The following KCNAB2 variants were observed in gnomAD, a reference collection of about 807,000 sequenced individuals.
KCNAB2 encodes voltage-gated potassium channel subunit beta-2.
KCNAB2 carries 29 observed loss-of-function variants against 63.6 expected under a neutral mutation model. That is an observed-to-expected ratio of 0.46 (90% CI 0.34 to 0.62). The LOEUF is 0.62. Ranked by LOEUF, KCNAB2 falls within the 20% of genes least tolerant of loss-of-function variation. The pLI is 0.01. For missense variants in KCNAB2, 359 were observed against 563.9 expected (o/e 0.64, Z 3.68); for synonymous variants, 222 against 224.2 (o/e 0.99, Z 0.09).
intron 1 of KCNAB2, chr1:6,027,178 T>G (rs1440217383): frequency 6.6e-6 from 1 of 152,386 alleles, no homozygotes; most frequent in Admixed American, 6.6e-5. Context: ...GTGCAGGGTG[T>G]GGTCTTGGAG....
intron 2 of KCNAB2, among the ~76,000 whole-genome samples, chr1:6,065,034 C>T (rs1040663981): frequency 2.6e-5 from 4 of 152,336 alleles, no homozygotes; most frequent in Non-Finnish European, 4.4e-5. Context: ...GTGTCATAAC[C>T]ATCAAGACGC....
At position 6,086,131 on chromosome 1, in the gene KCNAB2, C is replaced by T. The variant is rs969073626; in HGVS notation, c.425+883C>T. The T allele has an allele frequency of 1.0e-6, 1 of 985,362 alleles. No individual in the cohort carries two copies. Among genetic ancestry groups the T allele is most frequent in the Non-Finnish European group, 1.2e-6 (1 of 829,918 alleles). The allele number at this position is 985,362 out of a possible 1,614,324, so 61.0% of individuals were successfully genotyped here. A position where few individuals can be genotyped will look rare whatever the true frequency, so the allele number is the denominator to read the frequency against. On this transcript the variant is annotated intron_variant, in intron 6 of 15. Transcript: ENST00000378083. The surrounding 1 kb of genome is among the most constrained non-coding windows in gnomAD (Gnocchi z 4.2). ...TGCTGACAAGCCCCGGGGCCCTGTT[C>T]CTTAATAAATGCGTCTTTATTTTCA...
At chr1:6,094,506 G>A (rs1344400436) in intron 11 of KCNAB2, 21 bp downstream of exon 11, 6 of 1,593,060 alleles carry the variant, frequency 3.8e-6, no homozygotes, top group Middle Eastern at 1.7e-4. Flanking sequence ...CGCGCAGCAT[G>A]TGTGTGTCCA....
chr1:6,090,322 G>A (rs1329752908), intron 8 of KCNAB2, 67 bp from the exon 9 acceptor site: 1 of 1,155,226 alleles, frequency 8.7e-7, no homozygotes, highest in African/African-American at 1.5e-5. Flanking sequence ...GCCGGGCATG[G>A]ATGGGCCCAG....
chr1:6,065,150 G>A (rs1662634126), intron 2 of KCNAB2, among the ~76,000 whole-genome samples: 2 of 152,226 alleles, frequency 1.3e-5, no homozygotes, highest in Non-Finnish European at 2.9e-5. Flanking sequence ...CGCTGGGCAT[G>A]CGCCAGGGAG....
Position 6,071,230 on chromosome 1 carries a change from A to T in KCNAB2, c.219-1525A>T, listed in dbSNP as rs1425920625. The stretch of plus-strand genomic sequence containing the variant: ...GGACAGGAAAGAGGATAAACTGAGG[A>T]CATCGCATCCTCCGAAGTTGGAAGT... On this transcript the variant is annotated intron_variant, in intron 2 of 15. Transcript: ENST00000378083. The surrounding 1 kb of genome is among the most constrained non-coding windows in gnomAD (Gnocchi z 8.5). 6.6e-6 allele frequency among the ~76,000 whole-genome samples: 1 copy of T among 152,220 alleles called. No individual in the cohort carries two copies.
Position 6,096,060 on chromosome 1 carries a change from A to T in KCNAB2, c.948+436A>T. 1 of 458,638 alleles carries T rather than the reference A, an allele frequency of 2.2e-6. No individual in the cohort carries two copies. The highest frequency in any genetic ancestry group is 4.4e-6 in the Non-Finnish European group (1 of 228,640). 28.4% of individuals were successfully genotyped at this position (458,638 alleles called of 1,614,324 possible). Reference sequence around the variant, plus strand: ...CCACACAACCTCTGAGTGGGGACTCAGGAGGGTCCCCAGACTGCAGGATCT... The same window carrying T: ...CCACACAACCTCTGAGTGGGGACTCTGGAGGGTCCCCAGACTGCAGGATCT... On this transcript the variant is annotated intron_variant, in intron 13 of 15. Transcript: ENST00000378083. The surrounding 1 kb of genome is among the most constrained non-coding windows in gnomAD (Gnocchi z 5.9).
rs181696449 is a variant in KCNAB2 at position 6,001,565 on chromosome 1, C to T, written c.-53+8777C>T. 3.2e-4 allele frequency among the ~76,000 whole-genome samples: 48 copies of T among 152,272 alleles called. No homozygotes were observed. The South Asian group carries it at 3.3e-3, about 11-fold the overall frequency. On this transcript the variant is annotated intron_variant, in intron 1 of 16. Transcript: ENST00000341524. ...GAGGGCCTGGCTGAGCCCCGTGATACACCCATGGGGGTGGGTCTCTGAAGA... is the reference window on the plus strand; with the variant it reads ...GAGGGCCTGGCTGAGCCCCGTGATATACCCATGGGGGTGGGTCTCTGAAGA...
intron 2 of KCNAB2, among the ~76,000 whole-genome samples, chr1:6,055,625 G>A (rs1357568143): frequency 1.3e-5 from 2 of 152,152 alleles, no homozygotes; most frequent in African/African-American, 2.4e-5. Flanking sequence ...CAAAGTGCTG[G>A]GATTACAGGC....
At chr1:6,027,219 AGTGTGTGTGTGTGTGTGTGT>A (rs70981306) in intron 1 of KCNAB2, 20,490 of 141,262 alleles carry the variant, frequency 0.15, 1,555 homozygotes, top group Middle Eastern at 0.17. Context: ...TGGGGGACAC[AGTGTGTGTGTGTGTGTGTGT>A]GTGTGTGTGT....
At chr1:6,057,552 G>T (rs1023484027) in intron 2 of KCNAB2, among the ~76,000 whole-genome samples, 2 of 152,148 alleles carry the variant, frequency 1.3e-5, no homozygotes, top group Non-Finnish European at 2.9e-5. Context: ...AAGGAACGGG[G>T]TCCATCTTGG....
At chr1:6,043,454 G>C (rs1013748253), upstream of KCNAB2, among the ~76,000 whole-genome samples, 1 of 152,174 alleles carries the variant, frequency 6.6e-6, no homozygotes. Context: ...TTCATTTCCA[G>C]GTGGCCTTCC....
intron 4 of KCNAB2, 64 bp from the exon 5 acceptor site, chr1:6,082,131 G>C: frequency 7.1e-7 from 1 of 1,414,000 alleles, no homozygotes; most frequent in Non-Finnish European, 1.0e-6. Context: ...CCGAGAGGGT[G>C]GTGCTCCAGA....
chr1:6,077,745 G>A (rs548737900), intron 4 of KCNAB2, among the ~76,000 whole-genome samples: 1 of 152,272 alleles, frequency 6.6e-6, no homozygotes, highest in East Asian at 1.9e-4. Flanking sequence ...CCGGGGCCCC[G>A]CCTCAGGCTT....
chr1:6,002,562 A>T (rs924724740), intron 1 of KCNAB2, among the ~76,000 whole-genome samples: 1 of 152,232 alleles, frequency 6.6e-6, no homozygotes, highest in Non-Finnish European at 1.5e-5. Context: ...CGTGATGCCC[A>T]CACCACCGAT....
In KCNAB2 at chr1:6,003,918, T is replaced by C. The variant is rs191660275; in HGVS notation, c.-53+11130T>C. Among the ~76,000 whole-genome samples the C allele has an allele frequency of 5.8e-4, 89 of 152,362 alleles. No homozygotes were observed. In the South Asian group the frequency reaches 0.012, roughly 21 times the overall value. ...ATGGATGTGGTGGAGTAAAGCTGCC[T>C]TTCAAATTGCTGCCGCAGCGCTGCC... On this transcript the variant is annotated intron_variant, in intron 1 of 16. Transcript: ENST00000341524. This position sits in a 1 kb window ranked among gnomAD's most constrained non-coding sequence, Gnocchi z 4.1.
intron 10 of KCNAB2, among the ~76,000 whole-genome samples, chr1:6,091,976 C>T (rs1473956265): frequency 6.6e-6 from 1 of 152,234 alleles, no homozygotes; most frequent in Non-Finnish European, 1.5e-5. Context: ...AGTCTCTCTG[C>T]CCTCCCCACA....
chr1:6,089,669 G>T (rs924322483), intron 8 of KCNAB2, among the ~76,000 whole-genome samples: 5 of 152,180 alleles, frequency 3.3e-5, no homozygotes, highest in African/African-American at 1.2e-4. Flanking sequence ...AAGCACCAGC[G>T]GGTGGCTTGG....
intron 1 of KCNAB2, among the ~76,000 whole-genome samples, chr1:5,999,169 T>G (rs1295100): frequency 0.41 from 62,822 of 152,166 alleles, 13,469 homozygotes; most frequent in African/African-American, 0.54. Flanking sequence ...CCTTGTTGGT[T>G]GCCCTGCATA....
Sources: gnomAD v4.1 joint callset for allele counts (sites outside exome capture counted in the v4.1 genomes callset) on GRCh38, gnomAD v4.1.1 for gene constraint, Gnocchi (gnomAD v3.1) non-coding constraint, MANE v1.5 for transcripts, NCBI Gene and HGNC (gene_info 2026-07-23, HGNC 2026-07-21) for gene names.